Variants in GABRR2 observed in about 807,000 individuals in gnomAD.
GABRR2 encodes the protein gamma-aminobutyric acid type A receptor subunit rho2, also known as gamma-aminobutyric acid receptor subunit rho-2.
A neutral mutation model predicts 47.0 loss-of-function variants in GABRR2; 36 were observed. That is an observed-to-expected ratio of 0.77 (90% CI 0.59 to 1.01). The LOEUF (loss-of-function observed/expected upper bound fraction) is 1.01. Ranked by LOEUF, GABRR2 falls within the 50% of genes least tolerant of loss-of-function variation. GABRR2 has a pLI of 0.00. For synonymous variants in GABRR2, 204 were observed against 227.5 expected, an observed-to-expected ratio of 0.90 and a Z score of 0.93; for missense variants, 587 against 594.6, an observed-to-expected ratio of 0.99 and a Z score of 0.13.
intron 2 of GABRR2, among the ~76,000 whole-genome samples, chr6:89,294,144 G>T (rs1006101150): frequency 1.6e-5 from 1 of 63,506 alleles, no homozygotes; most frequent in Non-Finnish European, 2.6e-5. Flanking sequence ...GTCTGAGCAC[G>T]ATAATTTTTC....
intron 7 of GABRR2, 85 bp downstream of exon 7, chr6:89,265,528 C>A: frequency 6.9e-7 from 1 of 1,446,474 alleles, no homozygotes. Context: ...GTTAAGAAGT[C>A]TAAGTAATGA....
At position 89,257,726 on chromosome 6, in the gene GABRR2, T is replaced by C. The variant is rs1208430397; in HGVS notation, c.1342A>G (p.Ile448Val). 4 of 1,613,814 alleles carry C rather than the reference T, an allele frequency of 2.5e-6. No homozygotes were observed. The African/African-American group carries it at 4.0e-5, about 16-fold the overall frequency. Residue 448 changes from isoleucine (I) to valine (V), a missense_variant, in exon 9 of 9, where the codon ATA (isoleucine) becomes GTA (valine). Coordinates refer to ENST00000402938, the MANE Select transcript of GABRR2 (RefSeq NM_002043.5). ...THAIDKYSRL[I>V]FPASYIFFNL... ...AAAAATATGTAGGAGGCAGGGAATA[T>C]CAACCTAGAGTATTTGTCAATGGCA... is the stretch of plus-strand genomic sequence containing the variant.
Position 89,257,966 on chromosome 6 carries a change from C to T in GABRR2, c.1102G>A (p.Gly368Arg), listed in dbSNP as rs1390442018. ...ATCATGGTTTTTGAATGAAGCATTCCACACATGCACGGGAACTATGGGCAG... is the reference window on the plus strand; with the variant it reads ...ATCATGGTTTTTGAATGAAGCATTCTACACATGCACGGGAACTATGGGCAG... The part of the protein sequence containing the change: ...KLREKFPCMC[G>R]MLHSKTMMLD... Residue 368 changes from glycine (G) to arginine (R), a missense_variant, in exon 9 of 9, where the codon GGA becomes AGA. Transcript: ENST00000402938. 5 of 1,613,324 alleles carry T rather than the reference C, an allele frequency of 3.1e-6. No individual in the cohort carries two copies. The highest frequency in any genetic ancestry group is 4.2e-6 in the Non-Finnish European group (5 of 1,179,542).
At chr6:89,273,420 G>A (rs1207440960) in intron 2 of GABRR2, among the ~76,000 whole-genome samples, 1 of 152,106 alleles carries the variant, frequency 6.6e-6, no homozygotes, top group East Asian at 1.9e-4. Flanking sequence ...TTTTAGTAGA[G>A]GCCAGGGTTT....
At chr6:89,271,182 C>T (rs1453888757) in intron 3 of GABRR2, among the ~76,000 whole-genome samples, 1 of 152,148 alleles carries the variant, frequency 6.6e-6, no homozygotes, top group African/African-American at 2.4e-5. Context: ...CACCTCTCCA[C>T]TGTGAGCCTT....
Position 89,257,763 on chromosome 6 carries a change from GA to G in GABRR2, c.1304del (p.Phe435SerfsTer13). ...ATTTGTCAATGGCATGGGTATTCTG[GA>G]AGATACGAAAACCCGTCTGGCCCTT... ...LLKGQTGFRIFQNTHAIDKYS... is the reference protein window; with the variant it reads ...LLKGQTGFRIXQNTHAIDKYS... On this transcript the variant is annotated frameshift_variant, in exon 9 of 9. Coordinates refer to ENST00000402938, the MANE Select transcript of GABRR2 (RefSeq NM_002043.5). LOFTEE classifies it high-confidence loss of function. 1 of 1,613,944 alleles carries G rather than the reference GA, an allele frequency of 6.2e-7. No individual in the cohort carries two copies. Among genetic ancestry groups the G allele is most frequent in the South Asian group, 1.1e-5 (1 of 91,076 alleles).
chr6:89,261,146 G>A (rs573520321), intron 8 of GABRR2, among the ~76,000 whole-genome samples: 7 of 152,298 alleles, frequency 4.6e-5, no homozygotes, highest in South Asian at 2.1e-4. Flanking sequence ...TGAACCGTTC[G>A]TTTGTGAGCC....
intron 2 of GABRR2, among the ~76,000 whole-genome samples, chr6:89,294,956 A>C (rs1309282244): frequency 6.6e-6 from 1 of 151,582 alleles, no homozygotes; most frequent in Non-Finnish European, 1.5e-5. Context: ...CATGTCCCTA[A>C]AAAGGACATG....
At chr6:89,258,884 G>C (rs1473496236) in intron 8 of GABRR2, among the ~76,000 whole-genome samples, 1 of 146,114 alleles carries the variant, frequency 6.8e-6, no homozygotes, top group Non-Finnish European at 1.5e-5. Context: ...AATGTATTAT[G>C]CATTGAATGC....
chr6:89,271,544 G>T lies in GABRR2; in HGVS notation c.288+111C>A, dbSNP rs116067113. 30 of 886,096 alleles carry T rather than the reference G, an allele frequency of 3.4e-5. No individual in the cohort carries two copies. The African/African-American group carries it at 4.7e-4, about 14-fold the overall frequency. The allele number at this position is 886,096 out of a possible 1,614,324, so 54.9% of individuals were successfully genotyped here. On this transcript the variant is annotated intron_variant, in intron 3 of 8. Coordinates refer to ENST00000402938, the MANE Select transcript of GABRR2 (RefSeq NM_002043.5). ...ACTGCTCCAGGGCCGACTTCCAAGC[G>T]CCCATTTTATCACCTCCAGCTCCCG...
chr6:89,264,650 G>T (rs1286421519), intron 7 of GABRR2, 42 bp from the exon 8 acceptor site: 2 of 1,605,072 alleles, frequency 1.2e-6, no homozygotes, highest in East Asian at 4.5e-5. Flanking sequence ...CAGCGGTCTA[G>T]AACTGCCCTC....
chr6:89,310,760 GGAAT>G (rs1767667468), intron 1 of GABRR2, among the ~76,000 whole-genome samples: 1 of 151,952 alleles, frequency 6.6e-6, no homozygotes, highest in African/African-American at 2.4e-5. Flanking sequence ...GGGTGTGGTG[GGAAT>G]GAATGAAGAG....
chr6:89,284,129 T>C (rs1247436590), intron 2 of GABRR2, among the ~76,000 whole-genome samples: 8 of 152,042 alleles, frequency 5.3e-5, no homozygotes, highest in Non-Finnish European at 1.2e-4. Flanking sequence ...AACTAGTCCA[T>C]GGAGACAGAG....
At chr6:89,278,843 C>G (rs1774211085) in intron 2 of GABRR2, among the ~76,000 whole-genome samples, 1 of 152,226 alleles carries the variant, frequency 6.6e-6, no homozygotes, top group South Asian at 2.1e-4. Context: ...TCAAATGGCA[C>G]AAAGTTCCAC....
intron 1 of GABRR2, among the ~76,000 whole-genome samples, chr6:89,311,061 C>A (rs1184956366): frequency 6.6e-6 from 1 of 152,168 alleles, no homozygotes; most frequent in Non-Finnish European, 1.5e-5. Flanking sequence ...TTCACACACA[C>A]ACACTGATCT....
intron 1 of GABRR2, among the ~76,000 whole-genome samples, chr6:89,311,989 C>G (rs138100742): frequency 6.6e-6 from 1 of 152,164 alleles, no homozygotes; most frequent in Non-Finnish European, 1.5e-5. Flanking sequence ...CTGCCTCCAG[C>G]GGAACAGAAC....
At chr6:89,280,937 C>T (rs924363501) in intron 2 of GABRR2, among the ~76,000 whole-genome samples, 7 of 152,226 alleles carry the variant, frequency 4.6e-5, no homozygotes, top group Admixed American at 6.5e-5. Context: ...CAAGGCTTCG[C>T]CTTAGGATGA....
At chr6:89,309,366 C>A (rs1767637219) in intron 1 of GABRR2, among the ~76,000 whole-genome samples, 1 of 152,110 alleles carries the variant, frequency 6.6e-6, no homozygotes, top group Non-Finnish European at 1.5e-5. Flanking sequence ...TGCCCCCTCC[C>A]CACAGCTTCC....
intron 2 of GABRR2, among the ~76,000 whole-genome samples, chr6:89,272,564 A>C (rs780584916): frequency 6.6e-6 from 1 of 152,144 alleles, no homozygotes; most frequent in Non-Finnish European, 1.5e-5. Flanking sequence ...AAAGGGAAAA[A>C]CCAGCAACCT....
Sources: allele counts gnomAD v4.1 joint callset (sites outside exome capture counted in the v4.1 genomes callset), GRCh38; gene constraint gnomAD v4.1.1; transcripts MANE v1.5; gene names NCBI Gene and HGNC (gene_info 2026-07-23, HGNC 2026-07-21).